Variants in TMF1 observed in about 807,000 individuals in gnomAD.
The protein encoded by TMF1 is TATA element modulatory factor 1, also known as TATA element modulatory factor.
A neutral mutation model predicts 126.5 loss-of-function variants in TMF1; 71 were observed. The observed-to-expected ratio is 0.56, with a 90% CI of 0.46 to 0.68. The LOEUF (loss-of-function observed/expected upper bound fraction) is 0.68, where lower values mean the gene tolerates loss of function less well. TMF1 is among the 30% of genes least tolerant of loss of function. The pLI, the probability that TMF1 is intolerant of heterozygous loss-of-function variation, is 0.00. For missense variants in TMF1, 1,259 were observed against 1,253.2 expected (o/e 1.00, Z -0.07); for synonymous variants, 461 against 430.5 (o/e 1.07, Z -0.88).
rs886815302 is a variant in TMF1 at position 69,029,878 on chromosome 3, C to T, written c.2531G>A (p.Arg844Lys). The T allele has an allele frequency of 5.0e-6, 8 of 1,613,954 alleles. No individual in the cohort carries two copies. The African/African-American group carries it at 9.3e-5, about 19-fold the overall frequency. Residue 844 changes from arginine to lysine, a missense_variant, in exon 11 of 17, where the codon AGA (arginine) becomes AAA (lysine). Physicochemically the swap from Arg to Lys is conservative, Grantham distance 26. Coordinates refer to ENST00000398559, the MANE Select transcript of TMF1 (RefSeq NM_007114.3). ...QNSLLRQENS[R>K]FQAQLESEKN... ...CTCTGATTCTAGCTGGGCTTGAAAT[C>T]TACTGTTTTCCTGTCTTAAAAGAGA... is the stretch of plus-strand genomic sequence containing the variant.
In TMF1 at chr3:69,029,879, T is replaced by C; in HGVS notation, c.2530A>G (p.Arg844Gly). ...QNSLLRQENSRFQAQLESEKN... is the reference protein window; with the variant it reads ...QNSLLRQENSGFQAQLESEKN... ...TCTGATTCTAGCTGGGCTTGAAATC[T>C]ACTGTTTTCCTGTCTTAAAAGAGAA... Residue 844 changes from arginine (R) to glycine (G), a missense_variant, in exon 11 of 17, where the codon AGA (arginine) becomes GGA (glycine). Coordinates refer to ENST00000398559, the MANE Select transcript of TMF1 (RefSeq NM_007114.3). The C allele has an allele frequency of 6.2e-7, 1 of 1,614,164 alleles. No individual in the cohort carries two copies. Among genetic ancestry groups the C allele is most frequent in the Non-Finnish European group, 8.5e-7 (1 of 1,180,006 alleles).
At chr3:69,046,018 T>G (rs1247879423) in intron 2 of TMF1, among the ~76,000 whole-genome samples, 2 of 152,074 alleles carry the variant, frequency 1.3e-5, no homozygotes, top group African/African-American at 4.8e-5. Context: ...ATCGCACCAC[T>G]GCACACCAGC....
intron 10 of TMF1, 32 bp downstream of exon 10, chr3:69,033,516 T>A (rs1253117245): frequency 1.9e-6 from 3 of 1,593,896 alleles, no homozygotes; most frequent in Non-Finnish European, 1.7e-6. Flanking sequence ...TGGAAGAGCT[T>A]CTGCATCGAG....
chr3:69,021,521 A>G lies in TMF1; in HGVS notation c.*1656T>C, dbSNP rs2091737630. On this transcript the variant is annotated 3_prime_UTR_variant, in exon 17 of 17. Transcript: ENST00000398559. Reference sequence around the variant, plus strand: ...GAAAGAATATTTATTAACACTACCAATCAGAGATCCAATGACAGAAACACT... The same window carrying G: ...GAAAGAATATTTATTAACACTACCAGTCAGAGATCCAATGACAGAAACACT... 1 of 152,548 alleles carries G rather than the reference A, an allele frequency of 6.6e-6. No individual in the cohort carries two copies. The highest frequency in any genetic ancestry group is 1.5e-5 in the Non-Finnish European group (1 of 68,020). The allele number at this position is 152,548 out of a possible 1,614,324, so 9.4% of individuals were successfully genotyped here. A position where few individuals can be genotyped will look rare whatever the true frequency, so the allele number is the denominator to read the frequency against.
Position 69,042,874 on chromosome 3 carries a change from T to C in TMF1, c.1617A>G (p.Leu539=), listed in dbSNP as rs564727888. ...KNIKEELATR[L]NSSETADLLK... The stretch of plus-strand genomic sequence containing the variant: ...AAAGGTCTGCAGTTTCACTACTATT[T>C]AATCTAGTGGCAAGTTCTTCTTTTA... Residue 539 remains leucine, a synonymous_variant, in exon 5 of 17, where the codon TTA becomes TTG. Transcript: ENST00000398559. 1 of 1,613,518 alleles carries C rather than the reference T, an allele frequency of 6.2e-7. No individual in the cohort carries two copies. The highest frequency in any genetic ancestry group is 1.1e-5 in the South Asian group (1 of 91,058).
rs754576694 is a variant in TMF1 at position 69,023,151 on chromosome 3, T to A, written c.*26A>T. 1 of 1,595,178 alleles carries A rather than the reference T, an allele frequency of 6.3e-7. No homozygotes were observed. Among genetic ancestry groups the A allele is most frequent in the African/African-American group, 1.3e-5 (1 of 74,384 alleles). ...TTAGATATTAAATGCTTACATTCAG[T>A]TTGATGGGAATTCAATTTTCACAAG... On this transcript the variant is annotated 3_prime_UTR_variant, in exon 17 of 17. Transcript: ENST00000398559.
At chr3:69,037,793 A>T (rs1262649032) in intron 8 of TMF1, among the ~76,000 whole-genome samples, 1 of 151,812 alleles carries the variant, frequency 6.6e-6, no homozygotes, top group Non-Finnish European at 1.5e-5. Context: ...CAAGAGTGAG[A>T]CTCTGTCTCA....
Position 69,047,677 on chromosome 3 carries a change from T to C in TMF1, c.1028A>G (p.Asn343Ser). ...CTTGCCTGACAATTCATCATCTGAA[T>C]TGATTTCACTTACACTCCGGCTATC... ...SLDSRSVSEINSDDELSGKGY... is the reference protein window; with the variant it reads ...SLDSRSVSEISSDDELSGKGY... The change falls in exon 2 of 17, where the codon AAT becomes AGT. Residue 343 changes from asparagine (N) to serine (S), a missense_variant. Transcript: ENST00000398559. 6.2e-7 allele frequency: 1 copy of C among 1,614,168 alleles called. No homozygotes were observed. The highest frequency in any genetic ancestry group is 8.5e-7 in the Non-Finnish European group (1 of 1,180,026).
chr3:69,051,432 G>T (rs538277506), intron 1 of TMF1, among the ~76,000 whole-genome samples: 30 of 152,242 alleles, frequency 2.0e-4, no homozygotes, highest in African/African-American at 7.0e-4. Flanking sequence ...CCGAGATCGC[G>T]CCACTGCACT....
In TMF1 at chr3:69,038,916, G is replaced by A. The variant is rs373685880; in HGVS notation, c.1921C>T (p.Arg641Cys). The A allele has an allele frequency of 3.1e-5, 50 of 1,611,908 alleles. No homozygotes were observed. The highest frequency in any genetic ancestry group is 5.5e-5 in the South Asian group (5 of 90,610). ...AGTTCATCCATGTCTACCTGAAGAC[G>A]GCCAAGATCTTTCTCTTGGCGTTCT... is the stretch of plus-strand genomic sequence containing the variant. ...MVERQEKDLG[R>C]LQVDMDELEE... The change falls in exon 7 of 17, where the codon CGT becomes TGT. Residue 641 changes from arginine (R) to cysteine (C), a missense_variant. Physicochemically the swap from Arg to Cys is radical, Grantham distance 180. Transcript: ENST00000398559.
rs750642388 is a variant in TMF1, at chr3:69,039,611, C to A, written c.1767G>T (p.Met589Ile). The change falls in exon 6 of 17, where the codon ATG becomes ATT. Residue 589 changes from methionine to isoleucine, a missense_variant. Physicochemically the swap from Met to Ile is conservative, Grantham distance 10. Transcript: ENST00000398559. The part of the protein sequence containing the change: ...LRAKDKENEN[M>I]VAKLNKKVKE... ...TAACTTTTTTGTTCAGCTTTGCAAC[C>A]ATATTTTCATTCTCCTTGTCTTTAG... The A allele has an allele frequency of 1.2e-6, 2 of 1,613,602 alleles. No individual in the cohort carries two copies. The highest frequency in any genetic ancestry group is 8.5e-7 in the Non-Finnish European group (1 of 1,179,886).
chr3:69,048,850 C>G (rs1404071338), intron 1 of TMF1: 3 of 271,200 alleles, frequency 1.1e-5, no homozygotes, highest in Non-Finnish European at 2.1e-5. Context: ...TTCCTCCCCA[C>G]AACAAATTAA....
At chr3:69,034,611 G>C (rs1358429249) in intron 9 of TMF1, among the ~76,000 whole-genome samples, 1 of 152,164 alleles carries the variant, frequency 6.6e-6, no homozygotes, top group Non-Finnish European at 1.5e-5. Context: ...ATATTTCTAA[G>C]TATTTATAAA....
Position 69,023,262 on chromosome 3 carries a change from G to A in TMF1, c.3197C>T (p.Ala1066Val), listed in dbSNP as rs753305971. ...TTCGAGATCTAATCGAAGTTCTTCT[G>A]CCTCTTCTGCTTTTTCTCCATACAT... ...LQMYGEKAEE[A>V]EELRLDLEDV... The change falls in exon 17 of 17, where the codon GCA (alanine) becomes GTA (valine). Residue 1066 changes from alanine (A) to valine (V), a missense_variant. Ala to Val is a moderately conservative substitution (Grantham distance 64, BLOSUM62 0). Coordinates refer to ENST00000398559, the MANE Select transcript of TMF1 (RefSeq NM_007114.3). 1 of 1,611,668 alleles carries A rather than the reference G, an allele frequency of 6.2e-7. No homozygotes were observed. Among genetic ancestry groups the A allele is most frequent in the East Asian group, 2.2e-5 (1 of 44,684 alleles).
intron 8 of TMF1, among the ~76,000 whole-genome samples, chr3:69,037,413 G>A (rs550471368): frequency 4.9e-4 from 74 of 152,212 alleles, no homozygotes; most frequent in African/African-American, 1.8e-3. Context: ...GCGGAGGCGG[G>A]TGGATCACCA....
rs149320065 is a variant in TMF1 at position 69,043,728 on chromosome 3, T to C, written c.1578+22A>G. The C allele has an allele frequency of 7.1e-4, 1,133 of 1,588,032 alleles. 7 individuals are homozygous for C. In the Middle Eastern group the frequency reaches 0.021, roughly 30 times the overall value. On this transcript the variant is annotated intron_variant, in intron 4 of 16. Coordinates refer to ENST00000398559, the MANE Select transcript of TMF1 (RefSeq NM_007114.3). ...CTATATCTCTATAGAGTTTAATTAA[T>C]ATTACTTTAAATTTCAATTACCTTT... is the stretch of plus-strand genomic sequence containing the variant.
intron 2 of TMF1, among the ~76,000 whole-genome samples, chr3:69,045,598 G>A (rs868119948): frequency 7.9e-5 from 12 of 152,086 alleles, no homozygotes; most frequent in East Asian, 1.9e-4. Context: ...TGACCAACAC[G>A]GTGAAACCCC....
At chr3:69,044,936 C>A (rs544698111) in intron 2 of TMF1, among the ~76,000 whole-genome samples, 2 of 151,972 alleles carry the variant, frequency 1.3e-5, no homozygotes, top group African/African-American at 4.8e-5. Context: ...ATGCACTAGG[C>A]GACATGTATA....
rs74803787 is a variant in TMF1 at position 69,044,671 on chromosome 3, G to A, written c.1348-76C>T. 6,063 of 877,670 alleles carry A rather than the reference G, an allele frequency of 6.9e-3. 258 individuals are homozygous for A. The African/African-American group carries it at 0.092, about 13-fold the overall frequency. The allele number at this position is 877,670 out of a possible 1,614,324, so 54.4% of individuals were successfully genotyped here. A position where few individuals can be genotyped will look rare whatever the true frequency, so the allele number is the denominator to read the frequency against. On this transcript the variant is annotated intron_variant, in intron 2 of 16. Transcript: ENST00000398559. ...CATTTTTACATGCAGGTGTATCACT[G>A]TAACAAAGAAAACAGCTTTATCTCA...
Sources: gnomAD v4.1 joint callset for allele counts (sites outside exome capture counted in the v4.1 genomes callset) on GRCh38, gnomAD v4.1.1 for gene constraint, MANE v1.5 for transcripts, NCBI Gene and HGNC (gene_info 2026-07-23, HGNC 2026-07-21) for gene names.